Variants in C12orf56 observed in about 807,000 individuals in gnomAD.
C12orf56 encodes the protein uncharacterized protein C12orf56.
A neutral mutation model predicts 69.9 loss-of-function variants in C12orf56; 71 were observed. The observed-to-expected ratio is 1.02, with a 90% confidence interval of 0.84 to 1.24. C12orf56 has a LOEUF of 1.24. C12orf56 is among the 50% of genes most tolerant of loss of function. The pLI is 0.00. For synonymous variants in C12orf56, 276 were observed against 274.1 expected, an observed-to-expected ratio of 1.01 and a Z score of -0.07; for missense variants, 732 against 738.5, an observed-to-expected ratio of 0.99 and a Z score of 0.10.
At chr12:64,357,695 G>A (rs1352156212) in intron 1 of C12orf56, among the ~76,000 whole-genome samples, 1 of 151,992 alleles carries the variant, frequency 6.6e-6, no homozygotes, top group African/African-American at 2.4e-5. Context: ...TCAGGAGTTC[G>A]AGGCCACCCT....
rs35488127 is a variant in C12orf56 at position 64,308,940 on chromosome 12, G to GAAAAAAGAAAGA, written c.968+3738_968+3739insTCTTTCTTTTTT. On this transcript the variant is annotated intron_variant, in intron 5 of 12. Transcript: ENST00000543942. Reference sequence around the variant, plus strand: ...AGAAAGAAAGAAAGAAAGAAAGAAAGAAGAAAGAAAGAAAGAAAGAAAGAA... The same window carrying GAAAAAAGAAAGA: ...AGAAAGAAAGAAAGAAAGAAAGAAAGAAAAAAGAAAGAAAGAAAGAAAGAAAGAAAGAAAGAA... 3.4e-3 allele frequency among the ~76,000 whole-genome samples: 273 copies of GAAAAAAGAAAGA among 80,872 alleles called. 4 individuals carry two copies. Among genetic ancestry groups the GAAAAAAGAAAGA allele is most frequent in the African/African-American group, 6.2e-3 (135 of 21,794 alleles). The allele number at this position is 80,872 out of a possible 152,430, so 53.1% of individuals were successfully genotyped here. A position where few individuals can be genotyped will look rare whatever the true frequency, so the allele number is the denominator to read the frequency against.
chr12:64,331,146 G>C (rs898851582), intron 2 of C12orf56, 114 bp from the exon 3 acceptor site: 3 of 942,620 alleles, frequency 3.2e-6, no homozygotes, highest in African/African-American at 3.4e-5. Context: ...CACAAAAATT[G>C]TAAGTCCAAA....
intron 5 of C12orf56, among the ~76,000 whole-genome samples, chr12:64,308,205 C>G (rs1023310616): frequency 1.3e-5 from 2 of 152,000 alleles, no homozygotes; most frequent in African/African-American, 4.8e-5. Flanking sequence ...ATCTGTAGTC[C>G]CAGCTACTCA....
intron 1 of C12orf56, among the ~76,000 whole-genome samples, chr12:64,363,758 T>A (rs1478179616): frequency 6.6e-6 from 1 of 152,208 alleles, no homozygotes; most frequent in Non-Finnish European, 1.5e-5. Flanking sequence ...CAGATCATGA[T>A]GCGGTCGTCC....
chr12:64,308,917 AAAGAAAGAAAGAAAGAAAGAAAG>A (rs1565748757), intron 5 of C12orf56, among the ~76,000 whole-genome samples: 10 of 68,738 alleles, frequency 1.5e-4, no homozygotes, highest in Admixed American at 3.2e-4. Context: ...AGAAAGAAAG[AAAGAAAGAAAGAAAGAAAGAAAG>A]AAGAAAGAAA....
At chr12:64,298,838 T>G (rs1288054865) in intron 6 of C12orf56, among the ~76,000 whole-genome samples, 1 of 152,196 alleles carries the variant, frequency 6.6e-6, no homozygotes, top group Non-Finnish European at 1.5e-5. Flanking sequence ...TTGTTCTTTA[T>G]GCTTAGGATT....
At chr12:64,308,959 GA>G (rs1157732795) in intron 5 of C12orf56, among the ~76,000 whole-genome samples, 2 of 109,938 alleles carry the variant, frequency 1.8e-5, no homozygotes, top group Admixed American at 2.0e-4. Flanking sequence ...AAGAAAGAAA[GA>G]AAGAAAGAAA....
At chr12:64,308,346 C>T (rs1322661502) in intron 5 of C12orf56, among the ~76,000 whole-genome samples, 1 of 152,054 alleles carries the variant, frequency 6.6e-6, no homozygotes, top group Non-Finnish European at 1.5e-5. Flanking sequence ...TACATACATA[C>T]ATAAATACAT....
At chr12:64,299,958 G>C (rs988671709) in intron 6 of C12orf56, among the ~76,000 whole-genome samples, 10 of 152,062 alleles carry the variant, frequency 6.6e-5, no homozygotes, top group Admixed American at 3.9e-4. Context: ...TCACATTCAA[G>C]TGCTTAATAG....
intron 11 of C12orf56, among the ~76,000 whole-genome samples, chr12:64,273,946 G>C (rs2878281): frequency 0.7 from 106,852 of 152,050 alleles, 38,743 homozygotes; most frequent in Non-Finnish European, 0.8. Flanking sequence ...ATATGAGTGG[G>C]CACTAATGGC....
intron 1 of C12orf56, among the ~76,000 whole-genome samples, chr12:64,379,370 C>T (rs866551400): frequency 7.2e-5 from 11 of 151,900 alleles, no homozygotes; most frequent in Non-Finnish European, 1.3e-4. Context: ...CTGCAAGCTC[C>T]GCCTCTCGGG....
intron 1 of C12orf56, among the ~76,000 whole-genome samples, chr12:64,367,681 T>G (rs1023779845): frequency 6.6e-6 from 1 of 151,358 alleles, no homozygotes; most frequent in East Asian, 1.9e-4. Context: ...AATTTTTGTA[T>G]TTAGTAGAGA....
intron 5 of C12orf56, among the ~76,000 whole-genome samples, chr12:64,306,765 G>T (rs944562497): frequency 2.6e-5 from 4 of 152,108 alleles, no homozygotes; most frequent in Non-Finnish European, 5.9e-5. Flanking sequence ...CATTTGTAAA[G>T]CACTGGAAAG....
rs1592410976 is a variant in C12orf56, at chr12:64,275,998, C to T, written c.1435-626G>A. ...ACTTCCTTTCAAGAATGTAGAAATACACACCCCCCCCCGCGAGTTGAGGTG... is the reference window on the plus strand; with the variant it reads ...ACTTCCTTTCAAGAATGTAGAAATATACACCCCCCCCCGCGAGTTGAGGTG... On this transcript the variant is annotated intron_variant, in intron 9 of 12. Coordinates refer to ENST00000543942, the MANE Select transcript of C12orf56 (RefSeq NM_001170633.2). 7.9e-5 allele frequency among the ~76,000 whole-genome samples: 6 copies of T among 76,256 alleles called. 2 individuals carry two copies. The highest frequency in any genetic ancestry group is 7.1e-4 in the Admixed American group (6 of 8,392). 50.0% of individuals were successfully genotyped at this position (76,256 alleles called of 152,430 possible). A position where few individuals can be genotyped will look rare whatever the true frequency, so the allele number is the denominator to read the frequency against.
chr12:64,376,075 T>C (rs1300203207), intron 1 of C12orf56, among the ~76,000 whole-genome samples: 1 of 148,972 alleles, frequency 6.7e-6, no homozygotes, highest in Non-Finnish European at 1.5e-5. Context: ...GCACCAAAAC[T>C]GCAACGCCTG....
At chr12:64,359,433 T>C (rs1273982387) in intron 1 of C12orf56, among the ~76,000 whole-genome samples, 1 of 152,146 alleles carries the variant, frequency 6.6e-6, no homozygotes, top group Non-Finnish European at 1.5e-5. Context: ...GAACCTAAGA[T>C]GGGTAGAAGG....
chr12:64,294,089 C>T (rs1490579438), intron 6 of C12orf56, among the ~76,000 whole-genome samples: 5 of 152,050 alleles, frequency 3.3e-5, no homozygotes, highest in African/African-American at 1.2e-4. Flanking sequence ...AAATGCTCAA[C>T]ATCACTAATC....
At position 64,369,973 on chromosome 12, in the gene C12orf56, ACT is replaced by A. The variant is rs1312543539; in HGVS notation, c.253-16919_253-16918del. On this transcript the variant is annotated intron_variant, in intron 1 of 12. Coordinates refer to ENST00000543942, the MANE Select transcript of C12orf56 (RefSeq NM_001170633.2). ...ACTCCAGCCTGGGAGATAGCACAAG[ACT>A]CTGTCTCAAAAAAAAAAAAAAAAAT... 3.6e-5 allele frequency among the ~76,000 whole-genome samples: 5 copies of A among 140,230 alleles called. No individual in the cohort carries two copies. In the East Asian group the frequency reaches 8.5e-4, roughly 24 times the overall value. The allele number at this position is 140,230 out of a possible 152,430, so 92.0% of individuals were successfully genotyped here. A position where few individuals can be genotyped will look rare whatever the true frequency, so the allele number is the denominator to read the frequency against.
chr12:64,337,271 G>A (rs1161821834), intron 2 of C12orf56, among the ~76,000 whole-genome samples: 1 of 151,962 alleles, frequency 6.6e-6, no homozygotes, highest in Non-Finnish European at 1.5e-5. Context: ...ATACCAACTG[G>A]GAGTACTACA....
Sources: gnomAD v4.1 joint callset for allele counts (sites outside exome capture counted in the v4.1 genomes callset) on GRCh38, gnomAD v4.1.1 for gene constraint, MANE v1.5 for transcripts, NCBI Gene and HGNC (gene_info 2026-07-23, HGNC 2026-07-21) for gene names.